PDGFD: variants seen among roughly 807,000 people sequenced by gnomAD.
The protein encoded by PDGFD is platelet-derived growth factor D.
A neutral mutation model predicts 44.7 loss-of-function variants in PDGFD; 30 were observed. The ratio of observed to expected loss-of-function variants is 0.67; its 90% CI spans 0.50 to 0.91. PDGFD has a LOEUF of 0.91. Among genes scored for constraint, PDGFD ranks in the 40% least tolerant of loss-of-function variants. The pLI, the probability that PDGFD is intolerant of heterozygous loss-of-function variation, is 0.00. For synonymous variants in PDGFD, 173 were observed against 168.4 expected (o/e 1.03, Z -0.21); for missense variants, 445 against 457.8 (o/e 0.97, Z 0.25).
intron 3 of PDGFD, among the ~76,000 whole-genome samples, chr11:103,992,074 T>C (rs1166109274): frequency 1.3e-5 from 2 of 152,254 alleles, no homozygotes; most frequent in Non-Finnish European, 2.9e-5. Flanking sequence ...TTTATTTAGA[T>C]AATCATATCT....
At chr11:103,954,020 G>T (rs1858799101) in intron 3 of PDGFD, among the ~76,000 whole-genome samples, 1 of 152,204 alleles carries the variant, frequency 6.6e-6, no homozygotes, top group Non-Finnish European at 1.5e-5. Context: ...TGTGCTATAT[G>T]GCTGAAAGCA....
chr11:104,031,704 T>C (rs1860128786), intron 1 of PDGFD, among the ~76,000 whole-genome samples: 1 of 152,196 alleles, frequency 6.6e-6, no homozygotes, highest in African/African-American at 2.4e-5. Flanking sequence ...GTATGTTCAT[T>C]GCAGCACTAT....
chr11:104,041,057 T>TA (rs1375139484), intron 1 of PDGFD, among the ~76,000 whole-genome samples: 2 of 152,082 alleles, frequency 1.3e-5, no homozygotes. Flanking sequence ...GCAAAATTCT[T>TA]ACAAAATTTT....
chr11:103,983,588 G>GAA (rs1859306176), intron 3 of PDGFD, among the ~76,000 whole-genome samples: 2 of 151,752 alleles, frequency 1.3e-5, no homozygotes, highest in South Asian at 4.1e-4. Context: ...TAAAACTAAA[G>GAA]AGCTTCTGCA....
chr11:103,934,484 G>A (rs2134316089), intron 5 of PDGFD, among the ~76,000 whole-genome samples: 1 of 152,286 alleles, frequency 6.6e-6, no homozygotes, highest in East Asian at 1.9e-4. Flanking sequence ...CTTTGCAAGT[G>A]TATTAGTCCA....
chr11:104,081,001 C>T (rs1861038807), intron 1 of PDGFD, among the ~76,000 whole-genome samples: 1 of 152,202 alleles, frequency 6.6e-6, no homozygotes, highest in South Asian at 2.1e-4. Flanking sequence ...TGGACAACTG[C>T]AGCTCTAGCT....
intron 3 of PDGFD, among the ~76,000 whole-genome samples, chr11:103,956,526 G>GTA (rs2134333240): frequency 6.9e-6 from 1 of 145,820 alleles, no homozygotes; most frequent in East Asian, 2.0e-4. Context: ...AAACATACGT[G>GTA]TGCATGTGTC....
At chr11:103,913,781 A>G (rs2134300238) in intron 6 of PDGFD, among the ~76,000 whole-genome samples, 1 of 152,308 alleles carries the variant, frequency 6.6e-6, no homozygotes, top group East Asian at 1.9e-4. Context: ...AAGAGAGAAG[A>G]ATCAAAGAGA....
intron 6 of PDGFD, among the ~76,000 whole-genome samples, chr11:103,916,783 T>C (rs1181602458): frequency 6.6e-6 from 1 of 152,202 alleles, no homozygotes; most frequent in Non-Finnish European, 1.5e-5. Context: ...TCATGTCCTT[T>C]GCAGAGATAT....
At chr11:104,001,616 G>A (rs982103073) in intron 1 of PDGFD, among the ~76,000 whole-genome samples, 10 of 152,298 alleles carry the variant, frequency 6.6e-5, no homozygotes, top group Non-Finnish European at 1.5e-4. Context: ...GTTTTCATCA[G>A]AATTGCATCA....
intron 1 of PDGFD, among the ~76,000 whole-genome samples, chr11:104,019,982 A>T (rs1269532928): frequency 3.3e-5 from 5 of 152,170 alleles, no homozygotes; most frequent in Non-Finnish European, 7.4e-5. Flanking sequence ...AAAAATATGG[A>T]AATGTTTTAC....
intron 1 of PDGFD, among the ~76,000 whole-genome samples, chr11:104,148,277 C>T (rs1056220142): frequency 2.6e-5 from 4 of 152,058 alleles, no homozygotes; most frequent in African/African-American, 7.2e-5. Flanking sequence ...CACACTGAAA[C>T]GATGAGATAC....
intron 1 of PDGFD, chr11:104,037,876 G>A (rs745549606): frequency 2.2e-5 from 36 of 1,614,004 alleles, no homozygotes; most frequent in South Asian, 2.1e-4. Context: ...GCTGGTCATC[G>A]GCACCACTGG....
At chr11:103,910,714 C>A (rs114548973) in intron 6 of PDGFD, among the ~76,000 whole-genome samples, 1,911 of 152,154 alleles carry the variant, frequency 0.013, 46 homozygotes, top group African/African-American at 0.044. Flanking sequence ...GTTTATTTTT[C>A]ATACCCCAGT....
chr11:103,950,886 A>C (rs1309419572), intron 3 of PDGFD, among the ~76,000 whole-genome samples: 3 of 152,230 alleles, frequency 2.0e-5, no homozygotes, highest in Non-Finnish European at 4.4e-5. Flanking sequence ...TTTCATATCT[A>C]TCCTTAGTAA....
intron 1 of PDGFD, among the ~76,000 whole-genome samples, chr11:104,079,444 G>C (rs969458786): frequency 6.6e-6 from 1 of 152,130 alleles, no homozygotes; most frequent in African/African-American, 2.4e-5. Context: ...CTGGAGTGCA[G>C]TGGTAAGATC....
At chr11:103,972,388 G>C (rs916431002) in intron 3 of PDGFD, among the ~76,000 whole-genome samples, 1 of 152,180 alleles carries the variant, frequency 6.6e-6, no homozygotes, top group Non-Finnish European at 1.5e-5. Context: ...ACCACTGCTA[G>C]AGCAAGGTGG....
chr11:103,930,640 C>T (rs1858386880), intron 5 of PDGFD, among the ~76,000 whole-genome samples: 1 of 151,720 alleles, frequency 6.6e-6, no homozygotes, highest in East Asian at 1.9e-4. Flanking sequence ...GCCTTTTGTA[C>T]ATTATGAGCC....
chr11:104,160,352 T>C lies in PDGFD; in HGVS notation c.124+3452A>G, dbSNP rs568984908. ...AAGAAAATGAAATGAAGAATGCATCTGTATTCTAAAGCCCCTAGGCAGGAA... is the reference window on the plus strand; with the variant it reads ...AAGAAAATGAAATGAAGAATGCATCCGTATTCTAAAGCCCCTAGGCAGGAA... On this transcript the variant is annotated intron_variant, in intron 1 of 6. Coordinates refer to ENST00000393158, the MANE Select transcript of PDGFD (RefSeq NM_025208.5). Among the ~76,000 whole-genome samples the C allele has an allele frequency of 3.3e-4, 51 of 152,368 alleles. 1 individual carries two copies. The highest frequency in any genetic ancestry group is 1.2e-3 in the African/African-American group (48 of 41,592).
Sources: gnomAD v4.1 joint callset for allele counts (sites outside exome capture counted in the v4.1 genomes callset) on GRCh38, gnomAD v4.1.1 for gene constraint, MANE v1.5 for transcripts, NCBI Gene and HGNC (gene_info 2026-07-23, HGNC 2026-07-21) for gene names.